The following COL8A1 variants were observed in gnomAD, a reference collection of about 807,000 sequenced individuals.
COL8A1 encodes the protein collagen alpha-1(VIII) chain.
In COL8A1, 21 loss-of-function variants were observed where a neutral mutation model predicts 42.7. The ratio of observed to expected loss-of-function variants is 0.49; its 90% CI spans 0.35 to 0.71. The LOEUF (loss-of-function observed/expected upper bound fraction) is 0.71. Among genes scored for constraint, COL8A1 ranks in the 30% least tolerant of loss-of-function variants. The pLI, the probability that COL8A1 is intolerant of heterozygous loss-of-function variation, is 0.01. For synonymous variants in COL8A1, 367 were observed against 369.1 expected (o/e 0.99, Z 0.06); for missense variants, 788 against 962.4 (o/e 0.82, Z 2.40).
intron 1 of COL8A1, among the ~76,000 whole-genome samples, chr3:99,680,969 A>G (rs995749957): frequency 6.6e-6 from 1 of 152,152 alleles, no homozygotes; most frequent in Non-Finnish European, 1.5e-5. Flanking sequence ...CCTTCCTTAC[A>G]CCTTATACAA....
chr3:99,692,855 A>T (rs947508264), intron 1 of COL8A1, among the ~76,000 whole-genome samples: 3 of 152,238 alleles, frequency 2.0e-5, no homozygotes, highest in Admixed American at 1.3e-4. Flanking sequence ...CTGCACTGCC[A>T]GCGGTATAAA....
At chr3:99,753,345 T>C (rs1447070455) in intron 2 of COL8A1, among the ~76,000 whole-genome samples, 3 of 152,172 alleles carry the variant, frequency 2.0e-5, no homozygotes, top group Admixed American at 6.5e-5. Context: ...TGCAGGCAAG[T>C]AAACCCACAC....
chr3:99,677,310 T>C (rs922125236), intron 1 of COL8A1, among the ~76,000 whole-genome samples: 3 of 152,078 alleles, frequency 2.0e-5, no homozygotes, highest in African/African-American at 7.2e-5. Flanking sequence ...TAATCCAGTG[T>C]CCAAATCTTT....
intron 1 of COL8A1, among the ~76,000 whole-genome samples, chr3:99,689,597 A>G (rs547956967): frequency 1.3e-5 from 2 of 152,332 alleles, no homozygotes; most frequent in East Asian, 3.9e-4. Context: ...TTATCTTTAA[A>G]TTGACTTACT....
chr3:99,779,059 G>C (rs745375004), intron 2 of COL8A1, among the ~76,000 whole-genome samples: 3 of 152,024 alleles, frequency 2.0e-5, no homozygotes, highest in South Asian at 4.1e-4. Flanking sequence ...GCTTCACTTA[G>C]GGGGAAATTA....
chr3:99,658,088 C>T (rs1010659883), intron 1 of COL8A1, among the ~76,000 whole-genome samples: 5 of 149,856 alleles, frequency 3.3e-5, no homozygotes, highest in African/African-American at 1.2e-4. Context: ...GATCGCACCA[C>T]TGCACCCCAG....
At chr3:99,763,634 A>G (rs1371855842) in intron 2 of COL8A1, among the ~76,000 whole-genome samples, 4 of 152,150 alleles carry the variant, frequency 2.6e-5, no homozygotes, top group African/African-American at 9.7e-5. Flanking sequence ...TTGGAAAAAA[A>G]AAACAAACTT....
intron 1 of COL8A1, among the ~76,000 whole-genome samples, chr3:99,701,129 T>C (rs1272005198): frequency 6.6e-6 from 1 of 152,172 alleles, no homozygotes; most frequent in Non-Finnish European, 1.5e-5. Flanking sequence ...GCATCTAAAA[T>C]CATAGCAAGG....
intron 1 of COL8A1, among the ~76,000 whole-genome samples, chr3:99,644,765 G>C (rs7356102): frequency 0.018 from 2,768 of 152,260 alleles, 89 homozygotes; most frequent in African/African-American, 0.063. Flanking sequence ...TGAGACTGAA[G>C]ACAATCACTT....
At chr3:99,787,452 C>T (rs564628245) in intron 2 of COL8A1, among the ~76,000 whole-genome samples, 11 of 152,138 alleles carry the variant, frequency 7.2e-5, no homozygotes, top group African/African-American at 2.7e-4. Flanking sequence ...TTGCAGTTAA[C>T]CTCACATTTA....
At chr3:99,757,932 T>C (rs1001171672) in intron 2 of COL8A1, among the ~76,000 whole-genome samples, 4 of 152,202 alleles carry the variant, frequency 2.6e-5, no homozygotes, top group African/African-American at 9.6e-5. Flanking sequence ...TAAAACCTTT[T>C]AAAATTTGTA....
At chr3:99,715,801 C>T (rs1939979019) in intron 1 of COL8A1, among the ~76,000 whole-genome samples, 1 of 151,894 alleles carries the variant, frequency 6.6e-6, no homozygotes. Flanking sequence ...TATTGCATCA[C>T]TCGCAAGTGG....
chr3:99,727,005 G>A lies in COL8A1; in HGVS notation c.-128-17892G>A, dbSNP rs370727515. ...TTGAATCTTTAAATTACCTTGGGCA[G>A]TATGGCCATTTTCATGATATTGATT... On this transcript the variant is annotated intron_variant, in intron 1 of 3. Transcript: ENST00000652472. 4.9e-4 allele frequency among the ~76,000 whole-genome samples: 63 copies of A among 127,296 alleles called. No individual in the cohort carries two copies. In the East Asian group the frequency reaches 0.014, roughly 29 times the overall value. The allele number at this position is 127,296 out of a possible 152,430, so 83.5% of individuals were successfully genotyped here. A position where few individuals can be genotyped will look rare whatever the true frequency, so the allele number is the denominator to read the frequency against.
At chr3:99,736,877 G>A (rs1225757838) in intron 1 of COL8A1, among the ~76,000 whole-genome samples, 1 of 152,158 alleles carries the variant, frequency 6.6e-6, no homozygotes, top group African/African-American at 2.4e-5. Flanking sequence ...AAGTCTCTTT[G>A]TAGGTCATTC....
At chr3:99,708,988 C>T (rs1488210229) in intron 1 of COL8A1, among the ~76,000 whole-genome samples, 3 of 152,056 alleles carry the variant, frequency 2.0e-5, no homozygotes, top group African/African-American at 7.2e-5. Flanking sequence ...GAAGCAACAA[C>T]ACCAAGGCTC....
intron 2 of COL8A1, among the ~76,000 whole-genome samples, chr3:99,761,722 T>G (rs935903822): frequency 1.3e-5 from 2 of 152,130 alleles, no homozygotes; most frequent in African/African-American, 4.8e-5. Context: ...TGACTTTAGA[T>G]ATCTAGATAT....
chr3:99,789,169 CCTGT>C (rs1941950304), intron 2 of COL8A1, among the ~76,000 whole-genome samples: 1 of 152,068 alleles, frequency 6.6e-6, no homozygotes, highest in Non-Finnish European at 1.5e-5. Context: ...CCTTTTGTAG[CCTGT>C]ATACACTCTT....
intron 1 of COL8A1, among the ~76,000 whole-genome samples, chr3:99,684,605 C>A (rs114212178): frequency 6.6e-6 from 1 of 152,190 alleles, no homozygotes; most frequent in African/African-American, 2.4e-5. Flanking sequence ...AGTCAGATCT[C>A]AATAACCCGT....
chr3:99,650,400 A>G (rs1937805553), intron 1 of COL8A1, among the ~76,000 whole-genome samples: 1 of 152,166 alleles, frequency 6.6e-6, no homozygotes, highest in Admixed American at 6.5e-5. Context: ...TATGATAGCC[A>G]CTAGCCATGT....
Sources: allele counts gnomAD v4.1 joint callset (sites outside exome capture counted in the v4.1 genomes callset), GRCh38; gene constraint gnomAD v4.1.1; transcripts MANE v1.5; gene names NCBI Gene and HGNC (gene_info 2026-07-23, HGNC 2026-07-21).